Variants in LRTM1 observed in about 807,000 individuals in gnomAD.
LRTM1 encodes leucine-rich repeat and transmembrane domain-containing protein 1.
LRTM1 carries 38 observed loss-of-function variants against 32.4 expected under a neutral mutation model. That is an observed-to-expected ratio of 1.17 (90% confidence interval 0.91 to 1.54). LRTM1 has a LOEUF of 1.54. Among genes scored for constraint, LRTM1 ranks in the 40% most tolerant of loss-of-function variants. LRTM1 has a pLI of 0.00. For synonymous variants in LRTM1, 186 were observed against 169.9 expected (o/e 1.09, Z -0.74); for missense variants, 466 against 415.4 (o/e 1.12, Z -1.06).
chr3:54,936,910 T>A (rs1352986241), intron 1 of LRTM1, among the ~76,000 whole-genome samples: 1 of 152,116 alleles, frequency 6.6e-6, no homozygotes, highest in Non-Finnish European at 1.5e-5. Context: ...ATAAACTCCG[T>A]GTATGCTCTC....
chr3:54,926,451 C>T (rs995498542), intron 1 of LRTM1, among the ~76,000 whole-genome samples: 17 of 151,560 alleles, frequency 1.1e-4, no homozygotes, highest in African/African-American at 3.9e-4. Flanking sequence ...TCCACTTTTC[C>T]TCCCTCCAGA....
intron 1 of LRTM1, among the ~76,000 whole-genome samples, chr3:54,936,885 A>C (rs1231733869): frequency 6.6e-6 from 1 of 152,158 alleles, no homozygotes; most frequent in East Asian, 1.9e-4. Context: ...GATTCTAATG[A>C]GGGCTGAGGA....
rs60257399 is a variant in LRTM1, at chr3:54,918,321, C to CTT, written c.*136_*137dup. 4.9e-4 allele frequency: 192 copies of CTT among 394,340 alleles called. 2 individuals carry two copies. In the African/African-American group the frequency reaches 5.0e-3, roughly 10 times the overall value. 24.4% of individuals were successfully genotyped at this position (394,340 alleles called of 1,614,324 possible). ...CCAGAAATATTTTTTACAGACACAT[C>CTT]TTTTTTTTTTCTTTTTTTTTTTTTT... is the stretch of plus-strand genomic sequence containing the variant. On this transcript the variant is annotated 3_prime_UTR_variant, in exon 3 of 3. Transcript: ENST00000273286.
At chr3:54,945,697 G>A (rs1701594953) in intron 1 of LRTM1, among the ~76,000 whole-genome samples, 2 of 152,204 alleles carry the variant, frequency 1.3e-5, no homozygotes, top group Admixed American at 1.3e-4. Context: ...AGGTTTGACA[G>A]TGGTTCCCTA....
rs556129993 is a variant in LRTM1 at position 54,955,530 on chromosome 3, A to G, written c.-222+11398T>C. ...AAGAGAGTCCCTCCCTGCACTTAGG[A>G]TAAGAGGAGAAACAATACTAAGCTA... On this transcript the variant is annotated intron_variant, in intron 1 of 2. Coordinates refer to the LRTM1 transcript ENST00000493075. Among the ~76,000 whole-genome samples, 54 of 152,270 alleles carry G rather than the reference A, an allele frequency of 3.5e-4. 1 individual carries two copies. Among genetic ancestry groups the G allele is most frequent in the Middle Eastern group, 6.8e-3 (2 of 294 alleles).
At chr3:54,961,905 G>T (rs1004937584) in intron 1 of LRTM1, among the ~76,000 whole-genome samples, 5 of 152,072 alleles carry the variant, frequency 3.3e-5, no homozygotes, top group African/African-American at 1.2e-4. Flanking sequence ...CCAAGTTCAA[G>T]GGGCCCCATG....
At chr3:54,944,316 C>T (rs992752401) in intron 1 of LRTM1, among the ~76,000 whole-genome samples, 2 of 151,920 alleles carry the variant, frequency 1.3e-5, no homozygotes, top group Non-Finnish European at 2.9e-5. Flanking sequence ...TTATCTGCCA[C>T]GTTTTCTTTT....
chr3:54,940,439 T>A (rs1365580190), intron 1 of LRTM1, among the ~76,000 whole-genome samples: 1 of 152,234 alleles, frequency 6.6e-6, no homozygotes, highest in Non-Finnish European at 1.5e-5. Context: ...TGTTCCTCAC[T>A]GATATTTTAT....
intron 1 of LRTM1, among the ~76,000 whole-genome samples, chr3:54,954,506 T>A (rs938238350): frequency 1.3e-5 from 2 of 152,184 alleles, no homozygotes; most frequent in Non-Finnish European, 2.9e-5. Flanking sequence ...GACATCAGGG[T>A]GCATATCTTT....
At chr3:54,931,288 C>G (rs1451466137), upstream of LRTM1, among the ~76,000 whole-genome samples, 1 of 152,170 alleles carries the variant, frequency 6.6e-6, no homozygotes, top group Non-Finnish European at 1.5e-5. Flanking sequence ...TTTACTCATG[C>G]TGACCCCAAT....
chr3:54,922,445 A>G (rs1205092714), intron 2 of LRTM1, among the ~76,000 whole-genome samples: 2 of 152,132 alleles, frequency 1.3e-5, no homozygotes, highest in African/African-American at 4.8e-5. Flanking sequence ...GTAGACGTAA[A>G]CAATTTTATT....
intron 1 of LRTM1, among the ~76,000 whole-genome samples, chr3:54,955,301 C>T (rs1014007799): frequency 1.3e-5 from 2 of 151,968 alleles, no homozygotes; most frequent in Non-Finnish European, 2.9e-5. Flanking sequence ...GATAATGTCC[C>T]GCAGGTAATC....
chr3:54,927,321 T>A (rs1701050301), intron 1 of LRTM1, among the ~76,000 whole-genome samples: 1 of 152,208 alleles, frequency 6.6e-6, no homozygotes, highest in Non-Finnish European at 1.5e-5. Context: ...ATGCAGAACA[T>A]CACAGTCCCC....
At chr3:54,960,551 T>G (rs1417653667) in intron 1 of LRTM1, among the ~76,000 whole-genome samples, 1 of 152,228 alleles carries the variant, frequency 6.6e-6, no homozygotes, top group East Asian at 1.9e-4. Context: ...TTACCAAGAT[T>G]ATAACAAATG....
At chr3:54,957,876 T>C (rs143863818) in intron 1 of LRTM1, among the ~76,000 whole-genome samples, 1 of 152,304 alleles carries the variant, frequency 6.6e-6, no homozygotes, top group Non-Finnish European at 1.5e-5. Context: ...CACAAATCTA[T>C]TTGTGTCTCA....
chr3:54,934,311 GAGA>G (rs1204078587), intron 1 of LRTM1, among the ~76,000 whole-genome samples: 1 of 152,206 alleles, frequency 6.6e-6, no homozygotes, highest in African/African-American at 2.4e-5. Flanking sequence ...CTCAGGAGGT[GAGA>G]ACATAGTTCC....
chr3:54,966,418 G>A (rs1282705796), intron 1 of LRTM1, among the ~76,000 whole-genome samples: 1 of 152,224 alleles, frequency 6.6e-6, no homozygotes, highest in Non-Finnish European at 1.5e-5. Context: ...CAGCTTTTGT[G>A]TTGTGTAGTC....
intron 1 of LRTM1, among the ~76,000 whole-genome samples, chr3:54,934,402 C>T (rs1296812854): frequency 1.0e-5 from 1 of 97,692 alleles, no homozygotes; most frequent in Non-Finnish European, 2.1e-5. Context: ...GTGTTCATCT[C>T]CTTGTTTTTT....
intron 1 of LRTM1, among the ~76,000 whole-genome samples, chr3:54,934,726 TG>T (rs1478219783): frequency 2.6e-5 from 4 of 152,164 alleles, no homozygotes; most frequent in Non-Finnish European, 5.9e-5. Context: ...TGTTTTGTTT[TG>T]TTTTTTTGTG....
Sources: allele counts gnomAD v4.1 joint callset (sites outside exome capture counted in the v4.1 genomes callset), GRCh38; gene constraint gnomAD v4.1.1; transcripts MANE v1.5; gene names NCBI Gene and HGNC (gene_info 2026-07-23, HGNC 2026-07-21).